The following SMYD3 variants were observed in gnomAD, a reference collection of about 807,000 sequenced individuals.
The protein encoded by SMYD3 is SET and MYND domain containing 3.
SMYD3 carries 36 observed loss-of-function variants against 57.7 expected under a neutral mutation model. The ratio of observed to expected loss-of-function variants is 0.62; its 90% CI spans 0.48 to 0.82. SMYD3 has a LOEUF of 0.82. Ranked by LOEUF, SMYD3 falls within the 40% of genes least tolerant of loss-of-function variation. SMYD3 has a pLI of 0.00. For missense variants in SMYD3, 515 were observed against 538.8 expected (o/e 0.96, Z 0.44); for synonymous variants, 211 against 195.0 (o/e 1.08, Z -0.68).
chr1:245,756,799 C>CTTTTTT (rs34298332), intron 11 of SMYD3, among the ~76,000 whole-genome samples: 1 of 141,818 alleles, frequency 7.1e-6, no homozygotes. Context: ...GCTTTTAGGA[C>CTTTTTT]TTTTTTTTTT....
chr1:245,889,183 TG>T (rs2053246080), intron 8 of SMYD3, among the ~76,000 whole-genome samples: 1 of 152,182 alleles, frequency 6.6e-6, no homozygotes, highest in Non-Finnish European at 1.5e-5. Context: ...GCATGTACTA[TG>T]GACCAAAAGC....
At chr1:246,155,014 C>T (rs2062002030) in intron 5 of SMYD3, among the ~76,000 whole-genome samples, 1 of 152,006 alleles carries the variant, frequency 6.6e-6, no homozygotes, top group Non-Finnish European at 1.5e-5. Context: ...AGCTCCTGAC[C>T]TTGTGATCTG....
intron 11 of SMYD3, among the ~76,000 whole-genome samples, chr1:245,758,118 T>C (rs115977063): frequency 0.037 from 5,599 of 152,274 alleles, 158 homozygotes; most frequent in East Asian, 0.088. Context: ...ATTCAGTTAT[T>C]CTCAGATAAT....
intron 10 of SMYD3, among the ~76,000 whole-genome samples, chr1:245,857,498 C>T (rs1475466803): frequency 7.1e-5 from 3 of 42,286 alleles, no homozygotes; most frequent in Non-Finnish European, 4.0e-4. Flanking sequence ...CAGCCATTCC[C>T]TGCCTGTTGT....
At chr1:246,235,380 T>C (rs2063497984) in intron 5 of SMYD3, among the ~76,000 whole-genome samples, 1 of 152,220 alleles carries the variant, frequency 6.6e-6, no homozygotes, top group African/African-American at 2.4e-5. Context: ...CCTGAATATG[T>C]TGCAAAAGTG....
At chr1:246,113,387 A>C (rs1441868324) in intron 5 of SMYD3, among the ~76,000 whole-genome samples, 1 of 152,214 alleles carries the variant, frequency 6.6e-6, no homozygotes, top group African/African-American at 2.4e-5. Flanking sequence ...AATTCTAGTT[A>C]GATGGCTACA....
chr1:246,248,903 G>A (rs12401483), intron 5 of SMYD3, among the ~76,000 whole-genome samples: 29,466 of 145,824 alleles, frequency 0.2, 3,616 homozygotes, highest in East Asian at 0.58. Context: ...TGACCCGCGC[G>A]CCTCAGCCTC....
chr1:246,009,869 G>A (rs990092105), intron 5 of SMYD3, among the ~76,000 whole-genome samples: 1 of 132,034 alleles, frequency 7.6e-6, no homozygotes, highest in Admixed American at 7.9e-5. Flanking sequence ...AAGTGCAGTG[G>A]CGTGATCTCG....
chr1:246,105,614 T>G (rs569508912), intron 5 of SMYD3, among the ~76,000 whole-genome samples: 1 of 152,136 alleles, frequency 6.6e-6, no homozygotes. Flanking sequence ...TGTATGGCTG[T>G]AGAAAGAATA....
At chr1:246,439,116 G>A (rs954713914) in intron 1 of SMYD3, among the ~76,000 whole-genome samples, 5 of 134,724 alleles carry the variant, frequency 3.7e-5, no homozygotes, top group Admixed American at 3.0e-4. Flanking sequence ...GGGGGGGGGG[G>A]TTCCCAATTT....
intron 5 of SMYD3, among the ~76,000 whole-genome samples, chr1:246,019,364 C>T (rs547431003): frequency 8.1e-4 from 124 of 152,342 alleles, no homozygotes; most frequent in African/African-American, 2.8e-3. Context: ...GTCTCTCAAA[C>T]GCTTTACAGC....
chr1:246,055,197 C>A (rs540312942), intron 5 of SMYD3, among the ~76,000 whole-genome samples: 5 of 148,720 alleles, frequency 3.4e-5, no homozygotes, highest in East Asian at 2.0e-4. Context: ...AAAAAAAAAA[C>A]AAATGTTGGC....
rs1045732336 is a variant in SMYD3 at position 246,243,982 on chromosome 1, T to C, written c.531+83219A>G. On this transcript the variant is annotated intron_variant, in intron 5 of 11. Transcript: ENST00000490107. ...CCCAGCTACTTGGGAGACATATATGTGTATATACATATATATACACGTATA... is the reference window on the plus strand; with the variant it reads ...CCCAGCTACTTGGGAGACATATATGCGTATATACATATATATACACGTATA... Among the ~76,000 whole-genome samples the C allele has an allele frequency of 1.6e-3, 158 of 100,894 alleles. 20 individuals carry two copies. The highest frequency in any genetic ancestry group is 5.6e-3 in the African/African-American group (157 of 28,052). 66.2% of individuals were successfully genotyped at this position (100,894 alleles called of 152,430 possible). A position where few individuals can be genotyped will look rare whatever the true frequency, so the allele number is the denominator to read the frequency against.
chr1:246,232,033 C>T (rs528966060), intron 5 of SMYD3, among the ~76,000 whole-genome samples: 16 of 152,250 alleles, frequency 1.1e-4, no homozygotes, highest in African/African-American at 3.4e-4. Context: ...TCTCTTATTG[C>T]AGCACTTTGA....
intron 5 of SMYD3, among the ~76,000 whole-genome samples, chr1:246,298,862 A>G (rs551329011): frequency 2.6e-5 from 4 of 152,264 alleles, no homozygotes; most frequent in Non-Finnish European, 5.9e-5. Flanking sequence ...TTTCAAACCC[A>G]CCAGAATCAA....
At chr1:246,031,502 C>T (rs2059672890) in intron 5 of SMYD3, among the ~76,000 whole-genome samples, 1 of 152,016 alleles carries the variant, frequency 6.6e-6, no homozygotes, top group African/African-American at 2.4e-5. Flanking sequence ...CTCTGGGAGG[C>T]CGAGGCAGGC....
chr1:246,154,972 A>G (rs1054680045), intron 5 of SMYD3, among the ~76,000 whole-genome samples: 45 of 151,980 alleles, frequency 3.0e-4, no homozygotes, highest in African/African-American at 9.2e-4. Flanking sequence ...TAGTAGAGAC[A>G]GGGTTTCACC....
chr1:245,866,366 T>C (rs940164274), intron 8 of SMYD3, among the ~76,000 whole-genome samples: 1 of 151,594 alleles, frequency 6.6e-6, no homozygotes, highest in Non-Finnish European at 1.5e-5. Flanking sequence ...AGGTGCACTT[T>C]TTTTTTTTAA....
intron 5 of SMYD3, among the ~76,000 whole-genome samples, chr1:246,248,787 GC>G (rs1301799427): frequency 6.2e-5 from 9 of 145,128 alleles, no homozygotes; most frequent in Admixed American, 1.4e-4. Flanking sequence ...GACCACAGGC[GC>G]CCGCCACCAT....
Sources: allele counts gnomAD v4.1 joint callset (sites outside exome capture counted in the v4.1 genomes callset), GRCh38; gene constraint gnomAD v4.1.1; transcripts MANE v1.5; gene names NCBI Gene and HGNC (gene_info 2026-07-23, HGNC 2026-07-21).